The following POU2F1 variants were observed in gnomAD, a reference collection of about 807,000 sequenced individuals.
POU2F1 encodes POU domain, class 2, transcription factor 1.
In POU2F1, 16 loss-of-function variants were observed where a neutral mutation model predicts 84.9. That is an observed-to-expected ratio of 0.19 (90% CI 0.13 to 0.29). POU2F1 has a LOEUF of 0.29. Among genes scored for constraint, POU2F1 ranks in the 10% least tolerant of loss-of-function variants. The pLI is 1.00. For synonymous variants in POU2F1, 368 were observed against 368.3 expected (o/e 1.00, Z 0.01); for missense variants, 738 against 942.6 (o/e 0.78, Z 2.84).
Position 167,412,134 on chromosome 1 carries a change from C to T in POU2F1, c.1731C>T (p.Ser577=). The T allele has an allele frequency of 6.2e-7, 1 of 1,614,236 alleles. No homozygotes were observed. The highest frequency in any genetic ancestry group is 8.5e-7 in the Non-Finnish European group (1 of 1,180,044). The stretch of plus-strand genomic sequence containing the variant: ...CACAGACCACCTCCACTCCTTTGTC[C>T]TCCCCTCTTGGGACCAGCCAGGTGA... ...STTQTTSTPL[S]SPLGTSQVMV... The change falls in exon 14 of 16, where the codon TCC becomes TCT. Residue 577 remains serine, a synonymous_variant. Coordinates refer to ENST00000367866, the MANE Select transcript of POU2F1 (RefSeq NM_002697.4).
At chr1:167,315,154 C>T (rs1354654265) in intron 1 of POU2F1, among the ~76,000 whole-genome samples, 1 of 152,182 alleles carries the variant, frequency 6.6e-6, no homozygotes, top group Admixed American at 6.5e-5. Context: ...AACCTCTTTT[C>T]TTATGCATTA....
chr1:167,294,289 C>T (rs1023506802), intron 1 of POU2F1, among the ~76,000 whole-genome samples: 20 of 151,630 alleles, frequency 1.3e-4, no homozygotes, highest in African/African-American at 4.4e-4. Flanking sequence ...GCGGATCTTG[C>T]AGTGAGCCGA....
intron 1 of POU2F1, among the ~76,000 whole-genome samples, chr1:167,294,440 C>T (rs1654148955): frequency 6.6e-6 from 1 of 152,122 alleles, no homozygotes. Flanking sequence ...AATCAAAAAA[C>T]TTCTGCACAG....
At chr1:167,299,844 C>T (rs1489193055) in intron 1 of POU2F1, among the ~76,000 whole-genome samples, 3 of 152,104 alleles carry the variant, frequency 2.0e-5, no homozygotes, top group South Asian at 4.1e-4. Flanking sequence ...TTTGTTAAAA[C>T]CCAGATTGTT....
chr1:167,389,348 A>G (rs1000734228), intron 8 of POU2F1, among the ~76,000 whole-genome samples: 29 of 152,178 alleles, frequency 1.9e-4, no homozygotes, highest in Admixed American at 1.9e-3. Flanking sequence ...ATTTTTGTGT[A>G]TTCATTTCAT....
At chr1:167,320,663 G>T (rs1443250343) in intron 1 of POU2F1, among the ~76,000 whole-genome samples, 2 of 152,178 alleles carry the variant, frequency 1.3e-5, no homozygotes, top group Non-Finnish European at 2.9e-5. Flanking sequence ...TTAGTTTGTG[G>T]AAGAAAAAGC....
intron 3 of POU2F1, among the ~76,000 whole-genome samples, chr1:167,366,554 A>G (rs926262238): frequency 6.6e-6 from 1 of 152,178 alleles, no homozygotes; most frequent in Non-Finnish European, 1.5e-5. Context: ...TCTAAAGCCC[A>G]TTTATTTGTT....
chr1:167,308,571 G>C (rs1655246564), intron 1 of POU2F1, among the ~76,000 whole-genome samples: 1 of 152,172 alleles, frequency 6.6e-6, no homozygotes, highest in African/African-American at 2.4e-5. Context: ...CTGTCCCCAA[G>C]CTGGAGTACA....
chr1:167,336,747 G>A (rs1056020631), intron 2 of POU2F1, among the ~76,000 whole-genome samples: 5 of 152,086 alleles, frequency 3.3e-5, no homozygotes, highest in East Asian at 1.9e-4. Context: ...TGAAAATACC[G>A]GCCTGGTGCA....
intron 1 of POU2F1, among the ~76,000 whole-genome samples, chr1:167,273,955 G>A (rs920828429): frequency 3.9e-5 from 6 of 152,162 alleles, no homozygotes; most frequent in African/African-American, 1.4e-4. Context: ...CCTGAACCAG[G>A]AGCATACTGT....
At chr1:167,334,977 G>A (rs187848575) in intron 2 of POU2F1, among the ~76,000 whole-genome samples, 2 of 152,146 alleles carry the variant, frequency 1.3e-5, no homozygotes, top group Admixed American at 1.3e-4. Flanking sequence ...ATTTTGATTT[G>A]TGACACTTTA....
At chr1:167,382,539 A>G (rs1156758342) in intron 7 of POU2F1, among the ~76,000 whole-genome samples, 1 of 152,222 alleles carries the variant, frequency 6.6e-6, no homozygotes, top group Admixed American at 6.5e-5. Flanking sequence ...ATTCTAATAT[A>G]AGGCCATGAC....
chr1:167,354,538 C>T (rs571263003), intron 2 of POU2F1, among the ~76,000 whole-genome samples: 23 of 152,042 alleles, frequency 1.5e-4, no homozygotes, highest in African/African-American at 2.4e-4. Context: ...GTGATCTGCC[C>T]GTCTCGGCCT....
chr1:167,400,342 A>G (rs1649124009), intron 12 of POU2F1, among the ~76,000 whole-genome samples: 1 of 152,048 alleles, frequency 6.6e-6, no homozygotes, highest in South Asian at 2.1e-4. Flanking sequence ...CTTTCATCAC[A>G]TTTCCATCAT....
At position 167,417,607 on chromosome 1, in the gene POU2F1, G is replaced by A. The variant is rs1375601800; in HGVS notation, c.*1797G>A. 6.6e-6 allele frequency: 1 copy of A among 152,168 alleles called. No individual in the cohort carries two copies. Among genetic ancestry groups the A allele is most frequent in the African/African-American group, 2.4e-5 (1 of 41,420 alleles). 9.4% of individuals were successfully genotyped at this position (152,168 alleles called of 1,614,324 possible). ...AGTTCCCCTTCTTATTGGAGTTAAA[G>A]GTTCCCATTTGGTGGCTGTGGGTGC... On this transcript the variant is annotated 3_prime_UTR_variant, in exon 16 of 16. Transcript: ENST00000367866.
chr1:167,378,373 T>C (rs1287171618), intron 7 of POU2F1, among the ~76,000 whole-genome samples: 1 of 151,086 alleles, frequency 6.6e-6, no homozygotes, highest in Non-Finnish European at 1.5e-5. Context: ...GTAGCTGGGA[T>C]TACAGGCATG....
intron 1 of POU2F1, among the ~76,000 whole-genome samples, chr1:167,264,281 CAT>C (rs534502283): frequency 1.4e-4 from 21 of 151,610 alleles, no homozygotes; most frequent in African/African-American, 4.8e-4. Flanking sequence ...TGAGAACTGA[CAT>C]ATGAGAGCAT....
intron 13 of POU2F1, among the ~76,000 whole-genome samples, chr1:167,405,813 A>G (rs1306180503): frequency 6.6e-6 from 1 of 152,250 alleles, no homozygotes; most frequent in East Asian, 1.9e-4. Context: ...TTATGTACAC[A>G]TGGAACATCC....
chr1:167,380,922 G>A (rs1647488005), intron 7 of POU2F1: 1 of 152,066 alleles, frequency 6.6e-6, no homozygotes, highest in Non-Finnish European at 1.5e-5. Context: ...ATAGATTACT[G>A]GACTTGAGTC....
Sources: allele counts gnomAD v4.1 joint callset (sites outside exome capture counted in the v4.1 genomes callset), GRCh38; gene constraint gnomAD v4.1.1; transcripts MANE v1.5; gene names NCBI Gene and HGNC (gene_info 2026-07-23, HGNC 2026-07-21).